LIN28B: variants seen among roughly 807,000 people sequenced by gnomAD.
The protein encoded by LIN28B is protein lin-28 homolog B.
Under a neutral mutation model 21.9 loss-of-function variants are expected in LIN28B, and 5 were observed. The ratio of observed to expected loss-of-function variants is 0.23; its 90% confidence interval spans 0.12 to 0.48. The LOEUF is 0.48. Among genes scored for constraint, LIN28B ranks in the 20% least tolerant of loss-of-function variants. The pLI is 0.98. For synonymous variants in LIN28B, 109 were observed against 111.3 expected (o/e 0.98, Z 0.13); for missense variants, 245 against 310.5 (o/e 0.79, Z 1.58).
At chr6:104,957,098 G>A, upstream of LIN28B, 1 of 1,548,646 alleles carries the variant, frequency 6.5e-7, no homozygotes, top group Non-Finnish European at 8.7e-7. Context: ...AGAGAGGAGA[G>A]AAAAAAATCA....
At chr6:105,034,781 C>T (rs1486051914) in intron 3 of LIN28B, among the ~76,000 whole-genome samples, 1 of 151,984 alleles carries the variant, frequency 6.6e-6, no homozygotes, top group Non-Finnish European at 1.5e-5. Context: ...TTTTGTAGAG[C>T]CATAATTTTG....
chr6:105,070,821 G>A (rs1202571822), intron 3 of LIN28B, among the ~76,000 whole-genome samples: 1 of 152,058 alleles, frequency 6.6e-6, no homozygotes, highest in African/African-American at 2.4e-5. Context: ...TTCCCTGGAT[G>A]TAACCACTCT....
intron 3 of LIN28B, among the ~76,000 whole-genome samples, chr6:105,035,660 A>G (rs1165430131): frequency 1.3e-5 from 2 of 152,212 alleles, no homozygotes; most frequent in Admixed American, 6.5e-5. Flanking sequence ...TTTAATCACT[A>G]TGGTTTACTT....
At chr6:105,063,651 A>G (rs981214507) in intron 3 of LIN28B, among the ~76,000 whole-genome samples, 12 of 148,330 alleles carry the variant, frequency 8.1e-5, no homozygotes, top group South Asian at 2.1e-4. Flanking sequence ...GGGGGGGGAA[A>G]AAAAGGTAAA....
intron 2 of LIN28B, among the ~76,000 whole-genome samples, chr6:104,998,621 A>G (rs1049455707): frequency 2.0e-5 from 3 of 152,172 alleles, no homozygotes; most frequent in Admixed American, 6.5e-5. Context: ...AGTATCATTT[A>G]TCATTCACTG....
chr6:105,028,520 G>A (rs1403814507), intron 3 of LIN28B, among the ~76,000 whole-genome samples: 1 of 152,136 alleles, frequency 6.6e-6, no homozygotes, highest in Non-Finnish European at 1.5e-5. Flanking sequence ...TTTGAAGGAA[G>A]AGACCATAGA....
rs1334626683 is a variant in LIN28B at position 105,082,038 on chromosome 6, G to GT, written c.*3256dup. ...ACCTCACCCTCATGTCAACACAAAT[G>GT]TAATTCCTAAACAAGATGCATTGCC... On this transcript the variant is annotated 3_prime_UTR_variant, in exon 4 of 4. Transcript: ENST00000345080. The GT allele has an allele frequency of 3.3e-5, 5 of 152,562 alleles. No homozygotes were observed. The highest frequency in any genetic ancestry group is 1.2e-4 in the African/African-American group (5 of 41,436). The allele number at this position is 152,562 out of a possible 1,614,324, so 9.5% of individuals were successfully genotyped here.
intron 2 of LIN28B, among the ~76,000 whole-genome samples, chr6:104,961,581 T>C (rs1459650624): frequency 6.6e-6 from 1 of 152,028 alleles, no homozygotes; most frequent in African/African-American, 2.4e-5. Flanking sequence ...TTTGTATTTT[T>C]AGTAGAGATG....
intron 2 of LIN28B, among the ~76,000 whole-genome samples, chr6:105,022,040 G>C (rs915066121): frequency 6.6e-6 from 1 of 152,006 alleles, no homozygotes; most frequent in Non-Finnish European, 1.5e-5. Flanking sequence ...AGTAAGGTAA[G>C]ATTATGAAGG....
intron 2 of LIN28B, among the ~76,000 whole-genome samples, chr6:104,964,814 A>C (rs941137550): frequency 6.6e-6 from 1 of 152,318 alleles, no homozygotes; most frequent in East Asian, 1.9e-4. Context: ...ATTGGAGGAC[A>C]GTCTGATTAT....
upstream of LIN28B, among the ~76,000 whole-genome samples, chr6:104,953,980 G>T (rs1193806478): frequency 6.6e-6 from 1 of 152,196 alleles, no homozygotes; most frequent in Admixed American, 6.5e-5. Flanking sequence ...AAAAGTCTGG[G>T]AAAACGTGTA....
At chr6:104,946,133 T>C (rs1034825941) in intron 2 of LIN28B, among the ~76,000 whole-genome samples, 6 of 152,016 alleles carry the variant, frequency 3.9e-5, no homozygotes, top group Admixed American at 6.6e-5. Flanking sequence ...TTGAGATTTT[T>C]TCCTAATATA....
intron 3 of LIN28B, among the ~76,000 whole-genome samples, chr6:105,059,990 G>A (rs1233152920): frequency 2.0e-5 from 3 of 149,140 alleles, no homozygotes; most frequent in African/African-American, 4.9e-5. Context: ...CACAACCTCC[G>A]CCTCCCAGGT....
At chr6:104,980,275 G>T (rs2114253686) in intron 2 of LIN28B, among the ~76,000 whole-genome samples, 1 of 152,246 alleles carries the variant, frequency 6.6e-6, no homozygotes, top group Admixed American at 6.5e-5. Flanking sequence ...GGTATATTAA[G>T]TACCTTTTAG....
chr6:105,061,242 ATATT>A (rs1245088195), intron 3 of LIN28B, among the ~76,000 whole-genome samples: 1 of 152,228 alleles, frequency 6.6e-6, no homozygotes, highest in East Asian at 1.9e-4. Context: ...AAAATATTAA[ATATT>A]TAGACAGTGA....
intron 2 of LIN28B, among the ~76,000 whole-genome samples, chr6:104,989,580 T>TTTG (rs1770417827): frequency 8.1e-6 from 1 of 122,918 alleles, no homozygotes; most frequent in Non-Finnish European, 1.7e-5. Context: ...ACTTGGGTTT[T>TTTG]TTTTTTTTTT....
At chr6:105,071,605 C>T (rs1333666001) in intron 3 of LIN28B, among the ~76,000 whole-genome samples, 1 of 152,096 alleles carries the variant, frequency 6.6e-6, no homozygotes, top group African/African-American at 2.4e-5. Context: ...GTTACTAGGT[C>T]AGAGAGTATG....
chr6:104,963,132 C>T (rs1455176370), intron 2 of LIN28B, among the ~76,000 whole-genome samples: 10 of 152,140 alleles, frequency 6.6e-5, no homozygotes, highest in Admixed American at 2.0e-4. Context: ...ACTGCAACTC[C>T]GCCTTCCGGG....
intron 3 of LIN28B, among the ~76,000 whole-genome samples, chr6:105,064,039 T>G (rs1772177152): frequency 6.6e-6 from 1 of 152,006 alleles, no homozygotes; most frequent in South Asian, 2.1e-4. Context: ...TTGGGTCCAA[T>G]AATTCAGTGT....
Sources: gnomAD v4.1 joint callset for allele counts (sites outside exome capture counted in the v4.1 genomes callset) on GRCh38, gnomAD v4.1.1 for gene constraint, MANE v1.5 for transcripts, NCBI Gene and HGNC (gene_info 2026-07-23, HGNC 2026-07-21) for gene names.